The following DOCK2 variants were observed in gnomAD, a reference collection of about 807,000 sequenced individuals.
DOCK2 encodes dedicator of cytokinesis protein 2.
Under a neutral mutation model 248.9 loss-of-function variants are expected in DOCK2, and 87 were observed. That is an observed-to-expected ratio of 0.35 (90% CI 0.29 to 0.42). The LOEUF (loss-of-function observed/expected upper bound fraction) is 0.42, where lower values mean the gene tolerates loss of function less well. DOCK2 is among the 10% of genes least tolerant of loss of function. DOCK2 has a pLI of 1.00. For missense variants in DOCK2, 1,747 were observed against 2,300.2 expected (o/e 0.76, Z 4.92); for synonymous variants, 805 against 821.6 (o/e 0.98, Z 0.35).
chr5:169,825,044 G>C (rs1284957039), intron 26 of DOCK2, among the ~76,000 whole-genome samples: 1 of 152,148 alleles, frequency 6.6e-6, no homozygotes. Flanking sequence ...GGCCATCAGA[G>C]AAATGCAAAT....
chr5:169,801,012 G>A (rs1227795747), intron 25 of DOCK2, among the ~76,000 whole-genome samples: 1 of 125,736 alleles, frequency 8.0e-6, no homozygotes, highest in Non-Finnish European at 1.6e-5. Context: ...CTGGAGTGCA[G>A]TTGTGTGACC....
intron 22 of DOCK2, among the ~76,000 whole-genome samples, chr5:169,723,987 G>A (rs1762341268): frequency 6.6e-6 from 1 of 152,190 alleles, no homozygotes; most frequent in Admixed American, 6.5e-5. Flanking sequence ...TCACAAAGAA[G>A]GAGACTGAGG....
chr5:169,660,725 G>A (rs1581403967), intron 2 of DOCK2, among the ~76,000 whole-genome samples: 1 of 152,138 alleles, frequency 6.6e-6, no homozygotes, highest in East Asian at 1.9e-4. Flanking sequence ...ACTTAACATG[G>A]AATCTTTTTA....
At chr5:169,745,806 C>A (rs1299133414) in intron 22 of DOCK2, among the ~76,000 whole-genome samples, 1 of 152,102 alleles carries the variant, frequency 6.6e-6, no homozygotes, top group Non-Finnish European at 1.5e-5. Flanking sequence ...GGGATTTGAA[C>A]CCAAAGCAGA....
At chr5:169,839,836 C>T (rs1446085030) in intron 26 of DOCK2, among the ~76,000 whole-genome samples, 4 of 152,198 alleles carry the variant, frequency 2.6e-5, no homozygotes, top group East Asian at 1.9e-4. Context: ...GTCCCTCCAG[C>T]CTCCAAGTGA....
At position 170,050,370 on chromosome 5, in the gene DOCK2, G is replaced by C. The variant is rs780864136; in HGVS notation, c.4186G>C (p.Asp1396His). The C allele has an allele frequency of 4.3e-6, 7 of 1,614,038 alleles. No homozygotes were observed. The South Asian group carries it at 7.7e-5, about 18-fold the overall frequency. ...GATGAACACCACCTCTGCCCCGGGA[G>C]ATGATGTGAAGAATGCCCCAGGCCA... ...EKMNTTSAPG[D>H]DVKNAPGQYI... Residue 1396 changes from aspartate to histidine, a missense_variant, in exon 41 of 52, where the codon GAT (aspartate) becomes CAT (histidine). By Grantham distance (81) the Asp-to-His change is moderately conservative. This residue lies in a region of DOCK2 where 513 missense variants were observed against 586.1 expected (regional missense o/e 0.88). Coordinates refer to ENST00000520908, the MANE Select transcript of DOCK2 (RefSeq NM_004946.3).
intron 32 of DOCK2, 43 bp downstream of exon 32, chr5:170,008,789 C>A: frequency 6.2e-7 from 1 of 1,610,780 alleles, no homozygotes; most frequent in Admixed American, 1.7e-5. Context: ...CTGCAGGCAC[C>A]AAACTCCTTC....
chr5:169,850,567 G>T (rs1770569828), intron 27 of DOCK2, among the ~76,000 whole-genome samples: 1 of 152,056 alleles, frequency 6.6e-6, no homozygotes, highest in Non-Finnish European at 1.5e-5. Flanking sequence ...TTAGACAAGA[G>T]ACTTGAAATG....
At chr5:169,813,380 C>G (rs1767875399) in intron 26 of DOCK2, among the ~76,000 whole-genome samples, 1 of 152,194 alleles carries the variant, frequency 6.6e-6, no homozygotes, top group South Asian at 2.1e-4. Flanking sequence ...GTCTCCAGCT[C>G]TGCTGCTGTG....
intron 33 of DOCK2, among the ~76,000 whole-genome samples, chr5:170,026,881 T>G (rs1254502606): frequency 1.3e-5 from 2 of 152,216 alleles, no homozygotes; most frequent in Non-Finnish European, 1.5e-5. Flanking sequence ...ACCTGACATT[T>G]GCTCCATGTT....
intron 15 of DOCK2, 45 bp from the exon 16 acceptor site, chr5:169,711,890 G>T (rs1230043457): frequency 1.2e-6 from 2 of 1,607,712 alleles, no homozygotes; most frequent in African/African-American, 2.7e-5. Flanking sequence ...AGTGGGGAGG[G>T]CCCTTTAACT....
chr5:169,900,324 A>G lies in DOCK2; in HGVS notation c.2799+59472A>G, dbSNP rs189205564. ...CTGAGCCAGGCTTTCTATGATGACT[A>G]GGAGTTCAAGTCATTGAAAGAAGGA... On this transcript the variant is annotated intron_variant, in intron 27 of 51. Coordinates refer to ENST00000520908, the MANE Select transcript of DOCK2 (RefSeq NM_004946.3). 3.9e-5 allele frequency among the ~76,000 whole-genome samples: 6 copies of G among 152,342 alleles called. No individual in the cohort carries two copies. The East Asian group carries it at 1.2e-3, about 29-fold the overall frequency.
intron 27 of DOCK2, among the ~76,000 whole-genome samples, chr5:169,930,595 G>T (rs986212230): frequency 6.6e-6 from 1 of 152,234 alleles, no homozygotes; most frequent in Non-Finnish European, 1.5e-5. Flanking sequence ...TGAATGTGGT[G>T]GCTGCCAAAT....
intron 27 of DOCK2, among the ~76,000 whole-genome samples, chr5:169,865,043 C>T (rs1000170798): frequency 4.6e-5 from 7 of 152,216 alleles, no homozygotes; most frequent in African/African-American, 7.2e-5. Context: ...CAATATATTA[C>T]GTCTTGCTCT....
At chr5:169,891,965 C>T (rs372048342) in intron 27 of DOCK2, among the ~76,000 whole-genome samples, 2 of 142,586 alleles carry the variant, frequency 1.4e-5, no homozygotes, top group African/African-American at 2.6e-5. Flanking sequence ...CATTGCACTC[C>T]AGCCTGGGCA....
intron 9 of DOCK2, 26 bp from the exon 10 acceptor site, chr5:169,695,777 T>G: frequency 6.2e-7 from 1 of 1,612,488 alleles, no homozygotes; most frequent in Non-Finnish European, 8.5e-7. Context: ...CACATGATGG[T>G]CAATTTTTTG....
At chr5:169,866,241 G>T (rs1341619523) in intron 27 of DOCK2, among the ~76,000 whole-genome samples, 1 of 152,112 alleles carries the variant, frequency 6.6e-6, no homozygotes, top group African/African-American at 2.4e-5. Flanking sequence ...GTTCTCTCTG[G>T]CCCTCTCTAT....
At chr5:169,906,283 G>A (rs1028411671) in intron 27 of DOCK2, among the ~76,000 whole-genome samples, 1 of 152,074 alleles carries the variant, frequency 6.6e-6, no homozygotes, top group African/African-American at 2.4e-5. Context: ...AAATGAGTAT[G>A]ATCATAGTAC....
chr5:169,734,096 A>G (rs1488084465), intron 22 of DOCK2, among the ~76,000 whole-genome samples: 2 of 151,824 alleles, frequency 1.3e-5, no homozygotes, highest in Admixed American at 6.6e-5. Flanking sequence ...TTCTCGGTTC[A>G]TTCTGCCTAA....
Sources: allele counts gnomAD v4.1 joint callset (sites outside exome capture counted in the v4.1 genomes callset), GRCh38; gene constraint gnomAD v4.1.1; regional missense constraint gnomAD v4.1.1; transcripts MANE v1.5; gene names NCBI Gene and HGNC (gene_info 2026-07-23, HGNC 2026-07-21).